CALN1: variants seen among roughly 807,000 people sequenced by gnomAD.
The protein encoded by CALN1 is calcium-binding protein 8.
A neutral mutation model predicts 30.6 loss-of-function variants in CALN1; 17 were observed. The ratio of observed to expected loss-of-function variants is 0.56; its 90% CI spans 0.38 to 0.83. The LOEUF is 0.83. Among genes scored for constraint, CALN1 ranks in the 40% least tolerant of loss-of-function variants. The probability of loss-of-function intolerance (pLI) is 0.00; values close to 1 mark genes in which losing one functional copy is unlikely to be tolerated. For missense variants in CALN1, 291 were observed against 354.9 expected (o/e 0.82, Z 1.45); for synonymous variants, 156 against 131.4 (o/e 1.19, Z -1.28).
At position 72,271,575 on chromosome 7, in the gene CALN1, A is replaced by AAAAAAATATAT; in HGVS notation, c.244+7110_244+7111insATATATTTTTT. 4.0e-4 allele frequency among the ~76,000 whole-genome samples: 21 copies of AAAAAAATATAT among 52,126 alleles called. 3 individuals are homozygous for AAAAAAATATAT. The highest frequency in any genetic ancestry group is 9.9e-4 in the East Asian group (1 of 1,010). The allele number at this position is 52,126 out of a possible 152,430, so 34.2% of individuals were successfully genotyped here. On this transcript the variant is annotated intron_variant, in intron 3 of 6. Transcript: ENST00000395275. ...CTGTGCCTGCCTTTTAAAAAAAAAAAATATATATATATATATATAGTTTTC... is the reference window on the plus strand; with the variant it reads ...CTGTGCCTGCCTTTTAAAAAAAAAAAAAAAAATATATATATATATATATATATATAGTTTTC...
At chr7:72,231,929 G>C (rs1794133552) in intron 3 of CALN1, among the ~76,000 whole-genome samples, 1 of 152,228 alleles carries the variant, frequency 6.6e-6, no homozygotes, top group African/African-American at 2.4e-5. Flanking sequence ...GGGCAGGAGA[G>C]AGGCAGCAAG....
At chr7:72,450,045 A>G (rs1562973412), upstream of CALN1, among the ~76,000 whole-genome samples, 2 of 152,220 alleles carry the variant, frequency 1.3e-5, no homozygotes. Flanking sequence ...ATCTTTACAA[A>G]AAATTTAAAA....
intron 2 of CALN1, among the ~76,000 whole-genome samples, chr7:72,370,512 G>T (rs973173231): frequency 1.3e-5 from 2 of 152,140 alleles, no homozygotes; most frequent in East Asian, 3.9e-4. Flanking sequence ...AAATTAGCCA[G>T]CTGTGGTGGC....
chr7:72,391,675 G>T (rs572828219), intron 2 of CALN1, among the ~76,000 whole-genome samples: 5 of 152,186 alleles, frequency 3.3e-5, no homozygotes, highest in African/African-American at 1.2e-4. Context: ...AGATCTGATG[G>T]TTTAATAAAT....
chr7:71,909,560 T>C (rs992209177), intron 5 of CALN1, among the ~76,000 whole-genome samples: 6 of 152,196 alleles, frequency 3.9e-5, no homozygotes, highest in Admixed American at 3.9e-4. Flanking sequence ...ATATTCTAAG[T>C]CTGGGCATCT....
intron 5 of CALN1, among the ~76,000 whole-genome samples, chr7:71,819,964 T>A (rs978074191): frequency 6.6e-6 from 1 of 152,192 alleles, no homozygotes; most frequent in Non-Finnish European, 1.5e-5. Context: ...CAGGCTATGA[T>A]GGGAAGGAAG....
At chr7:71,856,526 T>C (rs149338471) in intron 5 of CALN1, among the ~76,000 whole-genome samples, 5 of 152,312 alleles carry the variant, frequency 3.3e-5, no homozygotes, top group African/African-American at 1.2e-4. Context: ...TATATGTATA[T>C]ATATGAACAT....
intron 5 of CALN1, among the ~76,000 whole-genome samples, chr7:72,006,714 G>T: frequency 6.6e-6 from 1 of 152,146 alleles, no homozygotes; most frequent in Admixed American, 6.5e-5. Flanking sequence ...CTATTTATAG[G>T]TATAAATGGT....
chr7:72,209,421 T>TTTCCTTCCCTCCTTCCCTCC (rs1792212833), intron 3 of CALN1, among the ~76,000 whole-genome samples: 3 of 54,626 alleles, frequency 5.5e-5, no homozygotes, highest in Non-Finnish European at 8.7e-5. Flanking sequence ...TCCTTCCCTC[T>TTTCCTTCCCTCCTTCCCTCC]TTCCTTCCCT....
At chr7:72,412,575 TCTC>T (rs577723596), upstream of CALN1, among the ~76,000 whole-genome samples, 100 of 152,074 alleles carry the variant, frequency 6.6e-4, no homozygotes, top group Admixed American at 2.7e-3. Flanking sequence ...ACAGAAAAGT[TCTC>T]CAAGTCCCCA....
the CALN1 span, among the ~76,000 whole-genome samples, chr7:72,479,784 C>T: frequency 3.3e-5 from 5 of 152,166 alleles, no homozygotes; most frequent in Non-Finnish European, 5.9e-5. Context: ...CTCCTGACCT[C>T]GGAAGATTCA....
At chr7:72,233,056 G>C (rs28504178) in intron 3 of CALN1, among the ~76,000 whole-genome samples, 81,770 of 151,800 alleles carry the variant, frequency 0.54, 22,241 homozygotes, top group South Asian at 0.65. Flanking sequence ...CTGTTTAAAA[G>C]CTTTGGCTTT....
intron 3 of CALN1, among the ~76,000 whole-genome samples, chr7:72,184,815 G>T (rs1790066730): frequency 6.6e-6 from 1 of 150,828 alleles, no homozygotes; most frequent in Non-Finnish European, 1.5e-5. Context: ...TTTTTTTAGA[G>T]ACAGCCTTAC....
intron 5 of CALN1, among the ~76,000 whole-genome samples, chr7:71,993,831 GA>G (rs1326919421): frequency 6.6e-6 from 1 of 152,028 alleles, no homozygotes; most frequent in African/African-American, 2.4e-5. Context: ...CTTGAGACAC[GA>G]TACGCTAAAC....
chr7:72,154,073 T>G (rs1282619150), intron 3 of CALN1, among the ~76,000 whole-genome samples: 1 of 152,064 alleles, frequency 6.6e-6, no homozygotes, highest in African/African-American at 2.4e-5. Flanking sequence ...GTCCCTGCAA[T>G]GGTGTTGGAA....
At chr7:71,827,991 A>C (rs1316162393) in intron 5 of CALN1, among the ~76,000 whole-genome samples, 4 of 152,068 alleles carry the variant, frequency 2.6e-5, no homozygotes. Context: ...AGATGAGGGC[A>C]TGTGTTTCCA....
intron 5 of CALN1, among the ~76,000 whole-genome samples, chr7:71,940,199 T>G (rs1223380814): frequency 6.6e-6 from 1 of 152,222 alleles, no homozygotes; most frequent in Non-Finnish European, 1.5e-5. Context: ...AAAATCTGAT[T>G]AATTTTTTAT....
At chr7:72,056,445 TTA>T (rs1451124818) in intron 4 of CALN1, among the ~76,000 whole-genome samples, 1 of 151,940 alleles carries the variant, frequency 6.6e-6, no homozygotes, top group African/African-American at 2.4e-5. Flanking sequence ...AAAAGGAGGC[TTA>T]GTTAACAAAT....
intron 3 of CALN1, among the ~76,000 whole-genome samples, chr7:72,201,275 G>A (rs1310542727): frequency 1.3e-5 from 2 of 152,150 alleles, no homozygotes; most frequent in Non-Finnish European, 2.9e-5. Context: ...GAGACTACTG[G>A]AGGGGTTGGG....
Sources: gnomAD v4.1 joint callset for allele counts (sites outside exome capture counted in the v4.1 genomes callset) on GRCh38, gnomAD v4.1.1 for gene constraint, MANE v1.5 for transcripts, NCBI Gene and HGNC (gene_info 2026-07-23, HGNC 2026-07-21) for gene names.